The following DIS3L2 variants were observed in gnomAD, a reference collection of about 807,000 sequenced individuals.
DIS3L2 encodes the protein DIS3 like 3'-5' exoribonuclease 2, also known as DIS3-like exonuclease 2.
A neutral mutation model predicts 97.5 loss-of-function variants in DIS3L2; 34 were observed. The ratio of observed to expected loss-of-function variants is 0.35; its 90% CI spans 0.27 to 0.46. The LOEUF (loss-of-function observed/expected upper bound fraction) is 0.46. DIS3L2 is among the 20% of genes least tolerant of loss of function. The pLI, the probability that DIS3L2 is intolerant of heterozygous loss-of-function variation, is 1.00. For missense variants in DIS3L2, 1,038 were observed against 1,146.0 expected (o/e 0.91, Z 1.36); for synonymous variants, 435 against 445.2 (o/e 0.98, Z 0.29).
chr2:232,223,076 G>A (rs1307990271), intron 10 of DIS3L2, among the ~76,000 whole-genome samples: 3 of 152,142 alleles, frequency 2.0e-5, no homozygotes, highest in Non-Finnish European at 4.4e-5. Flanking sequence ...TTGTTAAACC[G>A]AATTTGGACT....
intron 9 of DIS3L2, among the ~76,000 whole-genome samples, chr2:232,188,869 G>A (rs766232792): frequency 6.6e-6 from 1 of 152,152 alleles, no homozygotes; most frequent in Non-Finnish European, 1.5e-5. Flanking sequence ...TCTAGAGTAC[G>A]TAAAGAACCT....
Position 232,213,055 on chromosome 2 carries a change from G to A in DIS3L2, c.1204+2650G>A, listed in dbSNP as rs112274703. 1.4e-4 allele frequency among the ~76,000 whole-genome samples: 22 copies of A among 152,236 alleles called. 2 individuals are homozygous for A. The highest frequency in any genetic ancestry group is 5.3e-4 in the African/African-American group (22 of 41,544). On this transcript the variant is annotated intron_variant, in intron 10 of 20. Coordinates refer to ENST00000325385, the MANE Select transcript of DIS3L2 (RefSeq NM_152383.5). ...ATTCTTTGTAGGGGAGCTGAGGTGT[G>A]TATAAACAAGCTAAATAGATGCAGT... is the stretch of plus-strand genomic sequence containing the variant.
Position 232,333,981 on chromosome 2 carries a change from G to T in DIS3L2, c.2152G>T (p.Ala718Ser). 1 of 1,610,332 alleles carries T rather than the reference G, an allele frequency of 6.2e-7. No homozygotes were observed. The highest frequency in any genetic ancestry group is 8.5e-7 in the Non-Finnish European group (1 of 1,178,632). The change falls in exon 17 of 21, where the codon GCG (alanine) becomes TCG (serine). Residue 718 changes from alanine (A) to serine (S), a missense_variant. Coordinates refer to ENST00000325385, the MANE Select transcript of DIS3L2 (RefSeq NM_152383.5). ...CCTGGTGCACCGCCTCCTGGCTGCC[G>T]CGTTAGGTGAGGGGTGCAGTCGGGG... ...DVLVHRLLAA[A>S]LGYRERLDMA... is the part of the protein sequence containing the mutation.
At chr2:232,020,921 T>A (rs1303093375) in intron 3 of DIS3L2, among the ~76,000 whole-genome samples, 1 of 152,298 alleles carries the variant, frequency 6.6e-6, no homozygotes, top group Middle Eastern at 3.4e-3. Context: ...CGTCTGTTAT[T>A]CAGGTTAGGT....
chr2:232,095,857 T>A (rs930647253), intron 6 of DIS3L2, among the ~76,000 whole-genome samples: 1 of 152,132 alleles, frequency 6.6e-6, no homozygotes, highest in African/African-American at 2.4e-5. Context: ...AAAAGTTTTT[T>A]TTTTCTTTAG....
chr2:232,273,358 C>G (rs555964396), intron 13 of DIS3L2, among the ~76,000 whole-genome samples: 1 of 152,284 alleles, frequency 6.6e-6, no homozygotes, highest in Admixed American at 6.5e-5. Flanking sequence ...CATTTTTAAC[C>G]AGGCATTTCA....
chr2:232,329,786 C>CCCAGGG, intron 14 of DIS3L2, 27 bp from the exon 15 acceptor site: 5 of 430,238 alleles, frequency 1.2e-5, no homozygotes, highest in Non-Finnish European at 2.1e-5. Flanking sequence ...CCCCAGCGGT[C>CCCAGGG]CCTCCCATCC....
chr2:231,981,369 T>G (rs1693250664), intron 1 of DIS3L2, among the ~76,000 whole-genome samples: 1 of 151,950 alleles, frequency 6.6e-6, no homozygotes, highest in South Asian at 2.1e-4. Flanking sequence ...TTATCATTGT[T>G]GGCATATAGG....
chr2:232,333,166 CTCCGCTGT>C (rs1367807932), intron 16 of DIS3L2, among the ~76,000 whole-genome samples: 1 of 112,580 alleles, frequency 8.9e-6, no homozygotes, highest in African/African-American at 4.4e-5. Flanking sequence ...CCTTCTCCTC[CTCCGCTGT>C]CGCCTCCTCC....
At chr2:232,229,545 G>A (rs1296343100) in intron 10 of DIS3L2, among the ~76,000 whole-genome samples, 1 of 152,220 alleles carries the variant, frequency 6.6e-6, no homozygotes, top group African/African-American at 2.4e-5. Context: ...CGTTGAGTGC[G>A]CCAGCCTCGC....
intron 14 of DIS3L2, among the ~76,000 whole-genome samples, chr2:232,321,263 C>T (rs921023451): frequency 1.3e-5 from 2 of 152,208 alleles, no homozygotes; most frequent in Non-Finnish European, 2.9e-5. Context: ...CACACTCAGA[C>T]CTGGGCGAGG....
At chr2:232,220,476 G>A (rs770092290) in intron 10 of DIS3L2, among the ~76,000 whole-genome samples, 4 of 152,122 alleles carry the variant, frequency 2.6e-5, no homozygotes, top group African/African-American at 4.8e-5. Flanking sequence ...TAGGGAGGCC[G>A]AGGCGGGCAG....
chr2:232,253,091 A>G (rs1469760747), intron 12 of DIS3L2, among the ~76,000 whole-genome samples: 1 of 152,244 alleles, frequency 6.6e-6, no homozygotes, highest in African/African-American at 2.4e-5. Flanking sequence ...TCAGTTATGT[A>G]ATTGCTTTTC....
intron 5 of DIS3L2, among the ~76,000 whole-genome samples, chr2:232,031,375 T>C (rs1694799719): frequency 6.6e-6 from 1 of 151,998 alleles, no homozygotes; most frequent in Non-Finnish European, 1.5e-5. Context: ...AGTATTGACA[T>C]AGTTCTTGCT....
intron 9 of DIS3L2, among the ~76,000 whole-genome samples, chr2:232,188,095 G>A (rs527385888): frequency 6.6e-6 from 1 of 152,148 alleles, no homozygotes; most frequent in Admixed American, 6.5e-5. Context: ...AGCTGAGATC[G>A]CGCCATAGCC....
chr2:232,280,480 A>G (rs1226864094), intron 13 of DIS3L2, among the ~76,000 whole-genome samples: 1 of 152,262 alleles, frequency 6.6e-6, no homozygotes, highest in Non-Finnish European at 1.5e-5. Context: ...TTTGCCGATT[A>G]CATGTGAACA....
chr2:232,311,815 A>T (rs1695142646), intron 14 of DIS3L2, among the ~76,000 whole-genome samples: 1 of 152,166 alleles, frequency 6.6e-6, no homozygotes, highest in Non-Finnish European at 1.5e-5. Flanking sequence ...AATTTATCCA[A>T]TCTGCATTTG....
intron 5 of DIS3L2, among the ~76,000 whole-genome samples, chr2:232,053,854 CATT>C (rs1695474549): frequency 6.6e-6 from 1 of 152,164 alleles, no homozygotes; most frequent in Non-Finnish European, 1.5e-5. Context: ...ATGGAGGCCA[CATT>C]ACACAGGGAT....
At chr2:232,035,051 CTG>C (rs1176507509) in intron 5 of DIS3L2, among the ~76,000 whole-genome samples, 1 of 151,874 alleles carries the variant, frequency 6.6e-6, no homozygotes, top group Non-Finnish European at 1.5e-5. Flanking sequence ...TGATTATTGT[CTG>C]TTATTGACAG....
Sources: allele counts gnomAD v4.1 joint callset (sites outside exome capture counted in the v4.1 genomes callset), GRCh38; gene constraint gnomAD v4.1.1; transcripts MANE v1.5; gene names NCBI Gene and HGNC (gene_info 2026-07-23, HGNC 2026-07-21).